NOVA1: variants seen among roughly 807,000 people sequenced by gnomAD.
NOVA1 encodes the protein NOVA alternative splicing regulator 1.
A neutral mutation model predicts 38.0 loss-of-function variants in NOVA1; 7 were observed. The observed-to-expected ratio is 0.18, with a 90% confidence interval of 0.10 to 0.35. The LOEUF (loss-of-function observed/expected upper bound fraction) is 0.35, where lower values mean the gene tolerates loss of function less well. NOVA1 is among the 10% of genes least tolerant of loss of function. The pLI, the probability that NOVA1 is intolerant of heterozygous loss-of-function variation, is 1.00. For synonymous variants in NOVA1, 270 were observed against 232.5 expected (o/e 1.16, Z -1.47); for missense variants, 460 against 616.0 (o/e 0.75, Z 2.68).
At chr14:26,486,569 C>A (rs752009391) in intron 2 of NOVA1, among the ~76,000 whole-genome samples, 1 of 151,292 alleles carries the variant, frequency 6.6e-6, no homozygotes, top group Non-Finnish European at 1.5e-5. Flanking sequence ...ATTAGCCAGG[C>A]GTGGTGGTGG....
At chr14:26,571,990 C>T (rs762553206) in intron 2 of NOVA1, among the ~76,000 whole-genome samples, 1 of 152,028 alleles carries the variant, frequency 6.6e-6, no homozygotes, top group Non-Finnish European at 1.5e-5. Flanking sequence ...GTTCTTAGGC[C>T]CCAAAGCCTG....
At chr14:26,554,473 A>G (rs1891363115) in intron 2 of NOVA1, among the ~76,000 whole-genome samples, 1 of 152,198 alleles carries the variant, frequency 6.6e-6, no homozygotes, top group African/African-American at 2.4e-5. Flanking sequence ...ATATTGACTG[A>G]AAGAAGAGAA....
intron 2 of NOVA1, among the ~76,000 whole-genome samples, chr14:26,563,861 T>C (rs542989079): frequency 2.6e-5 from 4 of 152,122 alleles, no homozygotes; most frequent in Non-Finnish European, 4.4e-5. Context: ...ATTTATTCTG[T>C]TTATATACAA....
At chr14:26,530,984 T>G (rs893284891) in intron 2 of NOVA1, among the ~76,000 whole-genome samples, 1 of 152,160 alleles carries the variant, frequency 6.6e-6, no homozygotes, top group African/African-American at 2.4e-5. Flanking sequence ...GAAGAGACAT[T>G]AATATGTACA....
At chr14:26,524,113 A>G (rs1889127130) in intron 2 of NOVA1, among the ~76,000 whole-genome samples, 1 of 152,136 alleles carries the variant, frequency 6.6e-6, no homozygotes, top group African/African-American at 2.4e-5. Flanking sequence ...CAGTGGTAAG[A>G]TTTGGCTTAC....
At chr14:26,586,905 TCAG>T (rs1222828193) in intron 2 of NOVA1, among the ~76,000 whole-genome samples, 1 of 147,938 alleles carries the variant, frequency 6.8e-6, no homozygotes, top group Non-Finnish European at 1.5e-5. Flanking sequence ...GGCCATCATC[TCAG>T]TTTTTTTTTT....
At chr14:26,470,372 T>G in intron 4 of NOVA1, 1 of 1,504,570 alleles carries the variant, frequency 6.6e-7, no homozygotes, top group Non-Finnish European at 9.1e-7. Context: ...GGGGAGAAAA[T>G]AATTACAAAG....
At chr14:26,532,318 C>T (rs1244798368) in intron 2 of NOVA1, among the ~76,000 whole-genome samples, 2 of 152,166 alleles carry the variant, frequency 1.3e-5, no homozygotes, top group African/African-American at 4.8e-5. Context: ...ACTGTGTATA[C>T]ACACACCTAG....
chr14:26,446,072 A>C lies in NOVA1; in HGVS notation c.*1887T>G, dbSNP rs751994334. The stretch of plus-strand genomic sequence containing the variant: ...GCTTTTCTCTTTCATTTAAACAAGC[A>C]TATCATTCCCTTTTAAAATCATTCT... On this transcript the variant is annotated 3_prime_UTR_variant, in exon 5 of 5. Transcript: ENST00000539517. 1.3e-5 allele frequency: 2 copies of C among 152,692 alleles called. No individual in the cohort carries two copies. The highest frequency in any genetic ancestry group is 3.9e-4 in the East Asian group (2 of 5,178). 9.5% of individuals were successfully genotyped at this position (152,692 alleles called of 1,614,324 possible). A position where few individuals can be genotyped will look rare whatever the true frequency, so the allele number is the denominator to read the frequency against.
In NOVA1 at chr14:26,547,156, C is replaced by T. The variant is rs75308516; in HGVS notation, c.280+48254G>A. Among the ~76,000 whole-genome samples the T allele has an allele frequency of 5.3e-5, 8 of 151,912 alleles. No individual in the cohort carries two copies. In the East Asian group the frequency reaches 1.4e-3, roughly 26 times the overall value. On this transcript the variant is annotated intron_variant, in intron 2 of 4. Transcript: ENST00000539517. Reference sequence around the variant, plus strand: ...TCCTTAAAGTTTAATTATTCATAACCTATAATTTATTTCTGAATTCCAAAA... The same window carrying T: ...TCCTTAAAGTTTAATTATTCATAACTTATAATTTATTTCTGAATTCCAAAA...
At chr14:26,456,946 CACACACACACAAATATAT>C (rs1179874164) in intron 4 of NOVA1, among the ~76,000 whole-genome samples, 2 of 148,700 alleles carry the variant, frequency 1.3e-5, no homozygotes, top group African/African-American at 2.5e-5. Flanking sequence ...TATATATATA[CACACACACACAAATATAT>C]ACACACACAC....
At chr14:26,529,606 C>T (rs1889555531) in intron 2 of NOVA1, among the ~76,000 whole-genome samples, 1 of 152,158 alleles carries the variant, frequency 6.6e-6, no homozygotes, top group African/African-American at 2.4e-5. Flanking sequence ...CAGAATGGTT[C>T]GTGATCCTCT....
intron 2 of NOVA1, among the ~76,000 whole-genome samples, chr14:26,484,322 G>A (rs1209751977): frequency 3.4e-5 from 5 of 148,054 alleles, no homozygotes; most frequent in African/African-American, 1.2e-4. Flanking sequence ...TGTAGTCCCA[G>A]CTACTCAGGA....
chr14:26,536,517 A>C (rs1890109075), intron 2 of NOVA1, among the ~76,000 whole-genome samples: 1 of 152,060 alleles, frequency 6.6e-6, no homozygotes, highest in Non-Finnish European at 1.5e-5. Flanking sequence ...AATGTTAAAA[A>C]ATTAAAAAAA....
intron 4 of NOVA1, among the ~76,000 whole-genome samples, chr14:26,466,647 T>C (rs1337556305): frequency 1.3e-5 from 2 of 152,212 alleles, no homozygotes; most frequent in Non-Finnish European, 2.9e-5. Flanking sequence ...ATGGTTAAAA[T>C]GTTTTTGTCC....
intron 2 of NOVA1, among the ~76,000 whole-genome samples, chr14:26,552,010 A>C (rs1256022033): frequency 6.6e-6 from 1 of 152,088 alleles, no homozygotes. Context: ...CAAATCCTAA[A>C]GATACTCAGT....
At chr14:26,585,088 T>C (rs1454825721) in intron 2 of NOVA1, among the ~76,000 whole-genome samples, 1 of 151,494 alleles carries the variant, frequency 6.6e-6, no homozygotes, top group African/African-American at 2.4e-5. Context: ...TCACAAGGCA[T>C]GAAAGAGTGC....
At chr14:26,494,218 A>G (rs1015091288) in intron 2 of NOVA1, among the ~76,000 whole-genome samples, 3 of 152,118 alleles carry the variant, frequency 2.0e-5, no homozygotes, top group African/African-American at 7.2e-5. Flanking sequence ...TCTTTTATGA[A>G]TGTTTCTTTT....
rs566340896 is a variant in NOVA1 at position 26,574,267 on chromosome 14, A to AC, written c.280+21142dup. On this transcript the variant is annotated intron_variant, in intron 2 of 4. Coordinates refer to ENST00000539517, the MANE Select transcript of NOVA1 (RefSeq NM_002515.3). The stretch of plus-strand genomic sequence containing the variant: ...TCTTGAACTCCTGACCTCGTGATCC[A>AC]CCCCCCCCCCCCCGCCCCCTCGGCC... Among the ~76,000 whole-genome samples the AC allele has an allele frequency of 6.6e-3, 314 of 47,850 alleles. 4 individuals are homozygous for AC. The highest frequency in any genetic ancestry group is 0.026 in the African/African-American group (165 of 6,320). The allele number at this position is 47,850 out of a possible 152,430, so 31.4% of individuals were successfully genotyped here. A position where few individuals can be genotyped will look rare whatever the true frequency, so the allele number is the denominator to read the frequency against.
Sources: gnomAD v4.1 joint callset for allele counts (sites outside exome capture counted in the v4.1 genomes callset) on GRCh38, gnomAD v4.1.1 for gene constraint, MANE v1.5 for transcripts, NCBI Gene and HGNC (gene_info 2026-07-23, HGNC 2026-07-21) for gene names.